EPHB1: variants seen among roughly 807,000 people sequenced by gnomAD.
The protein encoded by EPHB1 is ephrin type-B receptor 1.
In EPHB1, 30 loss-of-function variants were observed where a neutral mutation model predicts 94.4. The observed-to-expected ratio is 0.32, with a 90% CI of 0.24 to 0.43. The LOEUF (loss-of-function observed/expected upper bound fraction) is 0.43. EPHB1 is among the 20% of genes least tolerant of loss of function. The pLI is 1.00. For missense variants in EPHB1, 1,055 were observed against 1,308.3 expected (o/e 0.81, Z 2.99); for synonymous variants, 522 against 489.1 (o/e 1.07, Z -0.89).
chr3:134,964,160 T>G (rs1014184286), intron 3 of EPHB1, among the ~76,000 whole-genome samples: 1 of 152,212 alleles, frequency 6.6e-6, no homozygotes, highest in Non-Finnish European at 1.5e-5. Flanking sequence ...GGGAGAGTCT[T>G]TGCATTAGGA....
intron 3 of EPHB1, among the ~76,000 whole-genome samples, chr3:135,043,679 C>G (rs1276241234): frequency 6.6e-6 from 1 of 152,246 alleles, no homozygotes; most frequent in Non-Finnish European, 1.5e-5. Flanking sequence ...AGGTCCGGCT[C>G]CATCCTGATA....
intron 1 of EPHB1, among the ~76,000 whole-genome samples, chr3:134,882,634 A>T (rs990658830): frequency 2.6e-5 from 4 of 151,860 alleles, no homozygotes; most frequent in Non-Finnish European, 5.9e-5. Context: ...AGACCTGAAC[A>T]TGTCTTTCTC....
chr3:135,014,776 C>T (rs1935737828), intron 3 of EPHB1, among the ~76,000 whole-genome samples: 1 of 152,190 alleles, frequency 6.6e-6, no homozygotes, highest in African/African-American at 2.4e-5. Flanking sequence ...TTAGTGGAGT[C>T]ACACAGAGCA....
At chr3:134,837,588 G>A (rs929380541) in intron 1 of EPHB1, among the ~76,000 whole-genome samples, 2 of 152,166 alleles carry the variant, frequency 1.3e-5, no homozygotes, top group Non-Finnish European at 2.9e-5. Context: ...GTGAGACTGG[G>A]TGCCCTCTGG....
intron 1 of EPHB1, among the ~76,000 whole-genome samples, chr3:134,875,233 C>T (rs1038537824): frequency 2.6e-5 from 4 of 152,210 alleles, no homozygotes; most frequent in African/African-American, 9.7e-5. Context: ...GGAGAGAAGC[C>T]AAGTGTTGTC....
At chr3:134,985,871 G>A (rs555366496) in intron 3 of EPHB1, among the ~76,000 whole-genome samples, 1 of 152,274 alleles carries the variant, frequency 6.6e-6, no homozygotes, top group South Asian at 2.1e-4. Flanking sequence ...CCATAATTCT[G>A]AGATCAGTAC....
At chr3:134,896,890 C>G (rs1227663851) in intron 1 of EPHB1, among the ~76,000 whole-genome samples, 1 of 152,246 alleles carries the variant, frequency 6.6e-6, no homozygotes, top group African/African-American at 2.4e-5. Flanking sequence ...CCTAGTGGCT[C>G]TGCCTCCTAA....
At chr3:135,021,177 T>G (rs1400254527) in intron 3 of EPHB1, among the ~76,000 whole-genome samples, 1 of 152,154 alleles carries the variant, frequency 6.6e-6, no homozygotes, top group Admixed American at 6.5e-5. Flanking sequence ...TACCAGAAGA[T>G]CTTAGAATTA....
intron 3 of EPHB1, among the ~76,000 whole-genome samples, chr3:135,060,418 A>T (rs1264605171): frequency 6.6e-6 from 1 of 152,218 alleles, no homozygotes; most frequent in Non-Finnish European, 1.5e-5. Context: ...TTGTTTATCC[A>T]TTCATCAGTA....
At chr3:135,133,190 C>A in intron 5 of EPHB1, 141 bp downstream of exon 5, 1 of 810,602 alleles carries the variant, frequency 1.2e-6, no homozygotes, top group Non-Finnish European at 1.9e-6. Flanking sequence ...AGGTGATGGG[C>A]ATTTGTGATC....
intron 3 of EPHB1, among the ~76,000 whole-genome samples, chr3:135,031,146 C>A (rs1936447578): frequency 6.6e-6 from 1 of 152,140 alleles, no homozygotes. Context: ...TGAGATGAAC[C>A]CCGTACCTCA....
At chr3:135,121,118 G>A (rs1939942407) in intron 4 of EPHB1, among the ~76,000 whole-genome samples, 1 of 152,198 alleles carries the variant, frequency 6.6e-6, no homozygotes, top group Non-Finnish European at 1.5e-5. Flanking sequence ...CAAAAGTTCA[G>A]CAGAGTATGT....
chr3:135,107,357 CT>C (rs1478070170), intron 4 of EPHB1, among the ~76,000 whole-genome samples: 1 of 152,230 alleles, frequency 6.6e-6, no homozygotes, highest in Non-Finnish European at 1.5e-5. Flanking sequence ...TCCCAATATT[CT>C]CCCCAATAAT....
At chr3:135,038,840 GGGA>G (rs1936733658) in intron 3 of EPHB1, among the ~76,000 whole-genome samples, 1 of 149,982 alleles carries the variant, frequency 6.7e-6, no homozygotes, top group African/African-American at 2.4e-5. Flanking sequence ...AGTGTGGAAG[GGGA>G]CCCCAGCGGG....
At chr3:134,826,831 AC>A (rs1030663978) in intron 1 of EPHB1, among the ~76,000 whole-genome samples, 3 of 152,150 alleles carry the variant, frequency 2.0e-5, no homozygotes, top group Non-Finnish European at 4.4e-5. Flanking sequence ...GGCATAGGTG[AC>A]TTCTTATTCA....
chr3:134,814,125 G>A (rs1014594303), intron 1 of EPHB1, among the ~76,000 whole-genome samples: 13 of 152,178 alleles, frequency 8.5e-5, no homozygotes, highest in East Asian at 3.9e-4. Context: ...GCATGCCACC[G>A]TGGCAAGAAA....
intron 12 of EPHB1, among the ~76,000 whole-genome samples, chr3:135,213,461 A>T (rs1173930976): frequency 6.6e-6 from 1 of 152,122 alleles, no homozygotes; most frequent in East Asian, 1.9e-4. Context: ...TCTGTTATAG[A>T]CTAGTTCTTG....
Position 135,194,746 on chromosome 3 carries a change from T to C in EPHB1, c.2130+1923T>C, listed in dbSNP as rs552733721. ...GGGTGCAGGGGTGGAGAACAACTGA[T>C]GTAGATTACTGAGCCCATGTACTTT... On this transcript the variant is annotated intron_variant, in intron 11 of 15. Transcript: ENST00000398015. Among the ~76,000 whole-genome samples, 3 of 152,284 alleles carry C rather than the reference T, an allele frequency of 2.0e-5. No homozygotes were observed. The East Asian group carries it at 5.8e-4, about 29-fold the overall frequency.
chr3:135,237,315 C>G (rs1019228116), intron 12 of EPHB1, among the ~76,000 whole-genome samples: 1 of 151,252 alleles, frequency 6.6e-6, no homozygotes, highest in Admixed American at 6.6e-5. Flanking sequence ...CACACACAGA[C>G]AGACACAAAA....
Sources: allele counts gnomAD v4.1 joint callset (sites outside exome capture counted in the v4.1 genomes callset), GRCh38; gene constraint gnomAD v4.1.1; transcripts MANE v1.5; gene names NCBI Gene and HGNC (gene_info 2026-07-23, HGNC 2026-07-21).